MAP4K5: variants seen among roughly 807,000 people sequenced by gnomAD.
MAP4K5 encodes MAPK/ERK kinase kinase kinase 5.
Under a neutral mutation model 135.6 loss-of-function variants are expected in MAP4K5, and 82 were observed. The observed-to-expected ratio is 0.60, with a 90% CI of 0.51 to 0.73. The LOEUF is 0.73. Among genes scored for constraint, MAP4K5 ranks in the 30% least tolerant of loss-of-function variants. MAP4K5 has a pLI of 0.00. For synonymous variants in MAP4K5, 347 were observed against 335.0 expected, an observed-to-expected ratio of 1.04 and a Z score of -0.39; for missense variants, 907 against 1,010.9, an observed-to-expected ratio of 0.90 and a Z score of 1.39.
chr14:50,476,983 A>G (rs1161400523), intron 6 of MAP4K5, among the ~76,000 whole-genome samples: 2 of 152,332 alleles, frequency 1.3e-5, no homozygotes, highest in East Asian at 3.9e-4. Context: ...ACATTTCCAC[A>G]GCAATTTTAG....
intron 1 of MAP4K5, chr14:50,560,477 G>A (rs1824060970): frequency 1.7e-5 from 14 of 817,200 alleles, no homozygotes; most frequent in Middle Eastern, 2.8e-4. Flanking sequence ...AGCGGTACCC[G>A]CGTCACCGAA....
At chr14:50,420,355 G>T (rs1049642235) in intron 32 of MAP4K5, among the ~76,000 whole-genome samples, 18 of 152,264 alleles carry the variant, frequency 1.2e-4, no homozygotes, top group African/African-American at 4.1e-4. Context: ...TCTGGGCTAG[G>T]TGTGGTGGCT....
intron 2 of MAP4K5, among the ~76,000 whole-genome samples, chr14:50,518,823 AG>A (rs2038087816): frequency 6.6e-6 from 1 of 152,248 alleles, no homozygotes; most frequent in Admixed American, 6.5e-5. Flanking sequence ...AATTATCTGG[AG>A]GTCTTAATGG....
chr14:50,495,948 T>G (rs983801432), intron 3 of MAP4K5, among the ~76,000 whole-genome samples: 33 of 152,196 alleles, frequency 2.2e-4, no homozygotes, highest in Admixed American at 1.4e-3. Context: ...ATATAGAGTT[T>G]TAGTTTTGCA....
chr14:50,427,431 T>G (rs2035870716), intron 30 of MAP4K5, among the ~76,000 whole-genome samples: 1 of 152,206 alleles, frequency 6.6e-6, no homozygotes, highest in Non-Finnish European at 1.5e-5. Flanking sequence ...AGCAAACTAT[T>G]TTCATGTAAA....
intron 8 of MAP4K5, among the ~76,000 whole-genome samples, chr14:50,475,370 G>C (rs1026413081): frequency 6.6e-6 from 1 of 150,768 alleles, no homozygotes; most frequent in African/African-American, 2.4e-5. Flanking sequence ...TAAGAACAAA[G>C]TTAACAAAAA....
At chr14:50,467,860 T>G (rs1240302746) in intron 10 of MAP4K5, among the ~76,000 whole-genome samples, 1 of 152,132 alleles carries the variant, frequency 6.6e-6, no homozygotes, top group Non-Finnish European at 1.5e-5. Context: ...TAAACCTTAA[T>G]CTATTTTTTG....
At chr14:50,466,280 G>A (rs1017984083) in intron 11 of MAP4K5, among the ~76,000 whole-genome samples, 3 of 151,170 alleles carry the variant, frequency 2.0e-5, no homozygotes, top group African/African-American at 7.3e-5. Flanking sequence ...TACACAAGAG[G>A]CTGAGGAGGG....
intron 15 of MAP4K5, among the ~76,000 whole-genome samples, chr14:50,447,931 C>T (rs140369935): frequency 6.6e-6 from 1 of 152,280 alleles, no homozygotes; most frequent in African/African-American, 2.4e-5. Flanking sequence ...GCACTACTTC[C>T]AAACATTAAG....
In MAP4K5 at chr14:50,429,158, G is replaced by C. The variant is rs761266488; in HGVS notation, c.2233+34C>G. 4.1e-6 allele frequency: 5 copies of C among 1,222,208 alleles called. No homozygotes were observed. In the East Asian group the frequency reaches 1.0e-4, roughly 25 times the overall value. The allele number at this position is 1,222,208 out of a possible 1,614,324, so 75.7% of individuals were successfully genotyped here. ...AATAAAAAAATTGCTTTATCAAGTA[G>C]TATACTCAAAATAAAATTAAAAATA... On this transcript the variant is annotated intron_variant, in intron 29 of 32. Transcript: ENST00000682126.
chr14:50,468,835 C>G (rs2036891895), intron 9 of MAP4K5, 53 bp from the exon 10 acceptor site: 3 of 1,491,654 alleles, frequency 2.0e-6, no homozygotes, highest in South Asian at 2.4e-5. Flanking sequence ...TGATCTGAAT[C>G]TGTTACTTCC....
intron 11 of MAP4K5, among the ~76,000 whole-genome samples, chr14:50,464,994 G>A (rs1009387746): frequency 1.3e-5 from 2 of 152,146 alleles, no homozygotes; most frequent in Non-Finnish European, 2.9e-5. Context: ...CCGTAAAACC[G>A]TTCAGTTCCA....
chr14:50,437,731 G>C (rs2036129278), intron 25 of MAP4K5, among the ~76,000 whole-genome samples, 163 bp downstream of exon 25: 1 of 152,056 alleles, frequency 6.6e-6, no homozygotes, highest in Non-Finnish European at 1.5e-5. Context: ...TGATTCTCAT[G>C]GTCAAGTTCA....
rs576563807 is a variant in MAP4K5, at chr14:50,451,350, G to A, written c.1016-2518C>T. ...TGTAGACAACATTCAGTGTTCTTACGTATATAACTGGAGTCCCAGAAGCAG... is the reference window on the plus strand; with the variant it reads ...TGTAGACAACATTCAGTGTTCTTACATATATAACTGGAGTCCCAGAAGCAG... On this transcript the variant is annotated intron_variant, in intron 14 of 32. Coordinates refer to ENST00000682126, the MANE Select transcript of MAP4K5 (RefSeq NM_006575.6). Among the ~76,000 whole-genome samples, 28 of 152,240 alleles carry A rather than the reference G, an allele frequency of 1.8e-4. No individual in the cohort carries two copies. The East Asian group carries it at 2.7e-3, about 15-fold the overall frequency.
intron 10 of MAP4K5, chr14:50,468,373 A>G (rs2036879048): frequency 3.2e-6 from 1 of 310,410 alleles, no homozygotes; most frequent in East Asian, 5.8e-5. Context: ...TAGGAGCAGC[A>G]ATACAAGACA....
chr14:50,426,700 G>A (rs556817490), intron 30 of MAP4K5, among the ~76,000 whole-genome samples: 13 of 152,260 alleles, frequency 8.5e-5, no homozygotes, highest in Non-Finnish European at 1.8e-4. Flanking sequence ...CTCCAGCTTG[G>A]GCGACAGAGC....
At chr14:50,546,829 T>A (rs909277953) in intron 1 of MAP4K5, among the ~76,000 whole-genome samples, 27 of 11,958 alleles carry the variant, frequency 2.3e-3, no homozygotes, top group Non-Finnish European at 3.4e-3. Flanking sequence ...AATGCCCATG[T>A]GTTTAAGGTT....
chr14:50,471,570 A>G (rs1476755443), intron 9 of MAP4K5, among the ~76,000 whole-genome samples: 1 of 152,196 alleles, frequency 6.6e-6, no homozygotes, highest in African/African-American at 2.4e-5. Context: ...ACAGTGGAGA[A>G]AAACCTCATA....
chr14:50,519,543 A>G (rs542873001), intron 2 of MAP4K5, among the ~76,000 whole-genome samples: 1 of 152,100 alleles, frequency 6.6e-6, no homozygotes, highest in South Asian at 2.1e-4. Context: ...AGTCCCAGCT[A>G]CTCGGGAGAC....
Sources: gnomAD v4.1 joint callset for allele counts (sites outside exome capture counted in the v4.1 genomes callset) on GRCh38, gnomAD v4.1.1 for gene constraint, MANE v1.5 for transcripts, NCBI Gene and HGNC (gene_info 2026-07-23, HGNC 2026-07-21) for gene names.